The following STARD13 variants were observed in gnomAD, a reference collection of about 807,000 sequenced individuals.
The protein encoded by STARD13 is StAR related lipid transfer domain containing 13.
STARD13 carries 62 observed loss-of-function variants against 106.4 expected under a neutral mutation model. The observed-to-expected ratio is 0.58, with a 90% CI of 0.48 to 0.72. STARD13 has a LOEUF of 0.72. Among genes scored for constraint, STARD13 ranks in the 30% least tolerant of loss-of-function variants. The probability of loss-of-function intolerance (pLI) is 0.00; values close to 1 mark genes in which losing one functional copy is unlikely to be tolerated. For synonymous variants in STARD13, 565 were observed against 553.0 expected, an observed-to-expected ratio of 1.02 and a Z score of -0.31; for missense variants, 1,387 against 1,424.0, an observed-to-expected ratio of 0.97 and a Z score of 0.42.
chr13:33,458,139 CA>C, the STARD13 span, among the ~76,000 whole-genome samples: 1 of 151,958 alleles, frequency 6.6e-6, no homozygotes, highest in Non-Finnish European at 1.5e-5. Flanking sequence ...TATATAAAAA[CA>C]AAACTCAAAA....
intron 1 of STARD13, among the ~76,000 whole-genome samples, chr13:33,306,060 T>C (rs1453554734): frequency 6.6e-6 from 1 of 152,194 alleles, no homozygotes; most frequent in Non-Finnish European, 1.5e-5. Context: ...GACAGCAAGC[T>C]ACCTGACTTC....
downstream of STARD13, among the ~76,000 whole-genome samples, chr13:33,348,327 T>C (rs2078038033): frequency 6.6e-6 from 1 of 152,248 alleles, no homozygotes; most frequent in Non-Finnish European, 1.5e-5. Context: ...ATTAAAACTT[T>C]TTCCCTTCAC....
chr13:33,213,299 A>G (rs1182178864), intron 1 of STARD13, among the ~76,000 whole-genome samples: 1 of 152,196 alleles, frequency 6.6e-6, no homozygotes, highest in East Asian at 1.9e-4. Flanking sequence ...ATATTACCCA[A>G]AAGGAGAGGG....
chr13:33,193,005 C>T (rs927634346), intron 1 of STARD13, among the ~76,000 whole-genome samples: 2 of 152,206 alleles, frequency 1.3e-5, no homozygotes. Flanking sequence ...ACTCATACCA[C>T]AGCTTTTGCT....
At chr13:33,637,143 C>G in the STARD13 span, among the ~76,000 whole-genome samples, 1 of 152,176 alleles carries the variant, frequency 6.6e-6, no homozygotes, top group East Asian at 1.9e-4. Context: ...GTACTGTCAT[C>G]ATCTGGAAAG....
At chr13:33,645,826 C>T in the STARD13 span, among the ~76,000 whole-genome samples, 2 of 152,132 alleles carry the variant, frequency 1.3e-5, no homozygotes, top group South Asian at 2.1e-4. Flanking sequence ...GTCAACTTCT[C>T]CTTAAGCCAG....
At chr13:33,385,255 A>G in the STARD13 span, among the ~76,000 whole-genome samples, 17 of 135,966 alleles carry the variant, frequency 1.3e-4, no homozygotes, top group African/African-American at 4.1e-4. Context: ...ATATATATAT[A>G]TATGTAGAAA....
chr13:33,453,135 A>G, the STARD13 span, among the ~76,000 whole-genome samples: 2 of 152,240 alleles, frequency 1.3e-5, no homozygotes, highest in Admixed American at 6.5e-5. Flanking sequence ...TCATAGCTCA[A>G]TAGTGCCAGC....
At chr13:33,145,011 A>G (rs1226370528) in intron 3 of STARD13, among the ~76,000 whole-genome samples, 1 of 152,218 alleles carries the variant, frequency 6.6e-6, no homozygotes, top group African/African-American at 2.4e-5. Context: ...CTAAAGCTGA[A>G]GACTCTAAGT....
chr13:33,458,961 C>T, the STARD13 span, among the ~76,000 whole-genome samples: 16 of 151,780 alleles, frequency 1.1e-4, no homozygotes, highest in Non-Finnish European at 1.9e-4. Flanking sequence ...GCTGGGATTA[C>T]AGGCACACAC....
chr13:33,467,933 A>G, the STARD13 span, among the ~76,000 whole-genome samples: 1 of 152,310 alleles, frequency 6.6e-6, no homozygotes, highest in East Asian at 1.9e-4. Flanking sequence ...AAATTCTTAT[A>G]AGTAATCACA....
intron 1 of STARD13, among the ~76,000 whole-genome samples, chr13:33,301,021 A>G (rs1330105549): frequency 6.6e-6 from 1 of 152,228 alleles, no homozygotes. Flanking sequence ...AGCACCCTGT[A>G]CATCTCCATT....
the STARD13 span, among the ~76,000 whole-genome samples, chr13:33,632,760 T>C: frequency 1.3e-5 from 2 of 152,260 alleles, no homozygotes; most frequent in African/African-American, 4.8e-5. Context: ...CCTATAAGTA[T>C]AAAGTCTCAT....
the STARD13 span, among the ~76,000 whole-genome samples, chr13:33,515,478 G>A: frequency 1.3e-5 from 2 of 152,110 alleles, no homozygotes; most frequent in Non-Finnish European, 2.9e-5. Flanking sequence ...CCAAGGAGAC[G>A]AAACAAGGAA....
chr13:33,643,307 G>A, the STARD13 span, among the ~76,000 whole-genome samples: 1 of 152,174 alleles, frequency 6.6e-6, no homozygotes, highest in Non-Finnish European at 1.5e-5. Context: ...GTATTTGCCT[G>A]TTTTGCCTCC....
the STARD13 span, among the ~76,000 whole-genome samples, chr13:33,408,419 T>C: frequency 2.0e-5 from 3 of 151,986 alleles, no homozygotes; most frequent in Admixed American, 6.5e-5. Context: ...TTCATCTTTT[T>C]GTAAATGGTT....
intron 3 of STARD13, among the ~76,000 whole-genome samples, chr13:33,154,847 C>A (rs2138301339): frequency 6.6e-6 from 1 of 152,294 alleles, no homozygotes; most frequent in East Asian, 1.9e-4. Flanking sequence ...GGGTCAAGAA[C>A]TGAAGGCTGA....
At chr13:33,406,146 C>T in the STARD13 span, among the ~76,000 whole-genome samples, 1 of 152,212 alleles carries the variant, frequency 6.6e-6, no homozygotes, top group African/African-American at 2.4e-5. Flanking sequence ...AAAACCCATA[C>T]TCTAAGCTAC....
intron 1 of STARD13, among the ~76,000 whole-genome samples, chr13:33,281,957 A>T (rs1051348860): frequency 5.9e-5 from 9 of 152,162 alleles, no homozygotes; most frequent in Non-Finnish European, 1.3e-4. Context: ...TGAACCATAC[A>T]TTTAAAAATG....
Sources: gnomAD v4.1 joint callset for allele counts (sites outside exome capture counted in the v4.1 genomes callset) on GRCh38, gnomAD v4.1.1 for gene constraint, MANE v1.5 for transcripts, NCBI Gene and HGNC (gene_info 2026-07-23, HGNC 2026-07-21) for gene names.